Variants in TJP1 observed in about 807,000 individuals in gnomAD.
TJP1 encodes the protein tight junction protein ZO-1.
TJP1 carries 43 observed loss-of-function variants against 194.2 expected under a neutral mutation model. That is an observed-to-expected ratio of 0.22 (90% CI 0.17 to 0.29). The LOEUF (loss-of-function observed/expected upper bound fraction) is 0.29, where lower values mean the gene tolerates loss of function less well. Ranked by LOEUF, TJP1 falls within the 10% of genes least tolerant of loss-of-function variation. The pLI is 1.00. For synonymous variants in TJP1, 801 were observed against 779.0 expected (o/e 1.03, Z -0.47); for missense variants, 1,971 against 2,185.7 (o/e 0.90, Z 1.96).
Position 29,850,329 on chromosome 15 carries a change from ATTTTTGTTTG to A in TJP1, c.307-49637_307-49628del, listed in dbSNP as rs377752128. Among the ~76,000 whole-genome samples the A allele has an allele frequency of 3.2e-3, 486 of 152,024 alleles. 2 individuals are homozygous for A. The highest frequency in any genetic ancestry group is 0.011 in the African/African-American group (461 of 41,476). On this transcript the variant is annotated intron_variant, in intron 2 of 28. Transcript: ENST00000356107. Reference sequence around the variant, plus strand: ...AGACTTTGTGAAATAATAAATGTTTATTTTTGTTTGTTTTTGTTTGATACGGAGTCTCACT... The same window carrying A: ...AGACTTTGTGAAATAATAAATGTTTATTTTTGTTTGATACGGAGTCTCACT...
intron 2 of TJP1, among the ~76,000 whole-genome samples, chr15:29,785,618 C>T (rs1042624313): frequency 6.6e-6 from 1 of 152,156 alleles, no homozygotes; most frequent in Non-Finnish European, 1.5e-5. Context: ...CACTTGTTGC[C>T]TTTTATTTTA....
intron 2 of TJP1, among the ~76,000 whole-genome samples, chr15:29,952,563 A>T (rs995224710): frequency 2.6e-5 from 4 of 152,198 alleles, no homozygotes; most frequent in Non-Finnish European, 4.4e-5. Flanking sequence ...CAGCAAGTGG[A>T]TCTCTTGCTC....
chr15:29,936,012 C>A (rs2054869106), intron 2 of TJP1, among the ~76,000 whole-genome samples: 1 of 152,074 alleles, frequency 6.6e-6, no homozygotes, highest in Non-Finnish European at 1.5e-5. Context: ...TCTGTAGCAT[C>A]CCCACCTTCT....
chr15:29,753,032 T>TTTAA (rs1005924789), intron 8 of TJP1, among the ~76,000 whole-genome samples: 1 of 152,228 alleles, frequency 6.6e-6, no homozygotes, highest in African/African-American at 2.4e-5. Context: ...GAGCCTGTTA[T>TTTAA]TTAATATTGT....
intron 2 of TJP1, among the ~76,000 whole-genome samples, chr15:29,881,217 TA>T (rs1188412597): frequency 1.3e-5 from 2 of 152,252 alleles, no homozygotes; most frequent in Non-Finnish European, 2.9e-5. Flanking sequence ...CCTTTTCACA[TA>T]CCTCTTGGCC....
In TJP1 at chr15:29,710,929, G is replaced by T. The variant is rs749719781; in HGVS notation, c.4274C>A (p.Thr1425Asn). 5 of 1,614,178 alleles carry T rather than the reference G, an allele frequency of 3.1e-6. No individual in the cohort carries two copies. The South Asian group carries it at 5.5e-5, about 18-fold the overall frequency. Residue 1425 changes from threonine to asparagine, a missense_variant, in exon 24 of 28, where the codon ACT becomes AAT. This residue lies in a region of TJP1 where 1,108 missense variants were observed against 1,128.5 expected (regional missense o/e 0.98). Coordinates refer to ENST00000614355, the MANE Select transcript of TJP1 (RefSeq NM_001330239.4). ...CGAGGGCAATGGAGGAGGAGGGGGA[G>T]TGGCCTGGATGGGTTCATAGCGTTT... ...GEKRYEPIQA[T>N]PPPPPLPSQY...
chr15:29,761,688 C>T lies in TJP1; in HGVS notation c.775G>A (p.Val259Ile). The change falls in exon 7 of 28, where the codon GTA (valine) becomes ATA (isoleucine). Residue 259 changes from valine to isoleucine, a missense_variant. By Grantham distance (29) the Val-to-Ile change is conservative. Transcript: ENST00000614355. ...IERSKGKLKM[V>I]VQRDERATLL... ...GTAGCCCGTTCATCTCTTTGAACTA[C>T]CATTTTTAATTTGCCTTTAGACCTT... 1 of 1,609,856 alleles carries T rather than the reference C, an allele frequency of 6.2e-7. No individual in the cohort carries two copies. The highest frequency in any genetic ancestry group is 8.5e-7 in the Non-Finnish European group (1 of 1,176,614).
intron 1 of TJP1, among the ~76,000 whole-genome samples, chr15:29,815,324 C>G (rs2049837763): frequency 6.6e-6 from 1 of 152,204 alleles, no homozygotes. Context: ...ATCCTAATGT[C>G]TATTTCTTTC....
In TJP1 at chr15:29,742,432, T is replaced by C. The variant is rs534664525; in HGVS notation, c.1150+210A>G. On this transcript the variant is annotated intron_variant, in intron 9 of 27. Transcript: ENST00000614355. ...GCAAGAAGTTGTTAATGATAAATAT[T>C]TTCTATCTAGAAAGTAAAGGAAAAC... is the stretch of plus-strand genomic sequence containing the variant. Among the ~76,000 whole-genome samples the C allele has an allele frequency of 3.9e-4, 60 of 152,326 alleles. 1 individual carries two copies. Among genetic ancestry groups the C allele is most frequent in the African/African-American group, 1.3e-3 (53 of 41,566 alleles).
At chr15:29,862,455 A>G (rs1199048445) in intron 2 of TJP1, among the ~76,000 whole-genome samples, 2 of 151,900 alleles carry the variant, frequency 1.3e-5, no homozygotes, top group Non-Finnish European at 2.9e-5. Flanking sequence ...ATTCTAGGCA[A>G]AACAAACAAA....
intron 2 of TJP1, among the ~76,000 whole-genome samples, chr15:29,853,276 T>C (rs1270216381): frequency 6.6e-6 from 1 of 152,202 alleles, no homozygotes; most frequent in African/African-American, 2.4e-5. Context: ...GGAACATGTG[T>C]GTGATTATAA....
chr15:29,771,640 C>G (rs2046686813), intron 4 of TJP1, among the ~76,000 whole-genome samples: 1 of 151,648 alleles, frequency 6.6e-6, no homozygotes, highest in Non-Finnish European at 1.5e-5. Context: ...CCTGTCTCTA[C>G]TAAAAATACA....
At chr15:29,763,330 A>T (rs1221930366) in intron 5 of TJP1, among the ~76,000 whole-genome samples, 1 of 152,220 alleles carries the variant, frequency 6.6e-6, no homozygotes, top group African/African-American at 2.4e-5. Context: ...AACTATCAAT[A>T]TAATGTCAAT....
chr15:29,949,336 C>T (rs2055446486), intron 2 of TJP1, among the ~76,000 whole-genome samples: 1 of 137,326 alleles, frequency 7.3e-6, no homozygotes, highest in African/African-American at 2.7e-5. Flanking sequence ...CTACCTCCAC[C>T]ACCTCCACCA....
rs375338075 is a variant in TJP1, at chr15:29,800,749, T to A, written c.28-47A>T. ...AAATCATTTACCTTTTAAGAAAATGTCCTTAATAAGGTGAGCAAGAACATC... is the reference window on the plus strand; with the variant it reads ...AAATCATTTACCTTTTAAGAAAATGACCTTAATAAGGTGAGCAAGAACATC... On this transcript the variant is annotated intron_variant, in intron 1 of 27. Transcript: ENST00000614355. 58 of 1,590,100 alleles carry A rather than the reference T, an allele frequency of 3.6e-5. 1 individual carries two copies. Among genetic ancestry groups the A allele is most frequent in the Admixed American group, 1.3e-4 (8 of 59,424 alleles).
chr15:29,798,995 G>A (rs1390160417), intron 2 of TJP1, among the ~76,000 whole-genome samples: 1 of 152,216 alleles, frequency 6.6e-6, no homozygotes, highest in African/African-American at 2.4e-5. Context: ...AAGTGGACGT[G>A]AGGGGACCGG....
rs140230614 is a variant in TJP1, at chr15:29,954,846, C to T, written c.306+1386G>A. Among the ~76,000 whole-genome samples, 364 of 152,086 alleles carry T rather than the reference C, an allele frequency of 2.4e-3. 14 individuals carry two copies. The East Asian group carries it at 0.058, about 24-fold the overall frequency. The stretch of plus-strand genomic sequence containing the variant: ...CTGTAATCCCAGCAATTTAGGAGGC[C>T]GAGGCGGGTGGATCACAAGGTCAGT... On this transcript the variant is annotated intron_variant, in intron 2 of 28. Coordinates refer to the TJP1 transcript ENST00000356107.
chr15:29,812,270 T>A (rs1191496290), intron 1 of TJP1, among the ~76,000 whole-genome samples: 2 of 152,236 alleles, frequency 1.3e-5, no homozygotes, highest in East Asian at 3.8e-4. Context: ...TACACGGGTG[T>A]TCACTTTATA....
chr15:29,956,709 G>A (rs1441905484), intron 1 of TJP1, among the ~76,000 whole-genome samples: 1 of 152,070 alleles, frequency 6.6e-6, no homozygotes, highest in African/African-American at 2.4e-5. Context: ...GGGAGACCCT[G>A]CCTCTACATA....
Sources: allele counts gnomAD v4.1 joint callset (sites outside exome capture counted in the v4.1 genomes callset), GRCh38; gene constraint gnomAD v4.1.1; regional missense constraint gnomAD v4.1.1; transcripts MANE v1.5; gene names NCBI Gene and HGNC (gene_info 2026-07-23, HGNC 2026-07-21).